ANKRD11: variants seen among roughly 807,000 people sequenced by gnomAD.
ANKRD11 encodes the protein ankyrin repeat domain 11, also known as ankyrin repeat domain-containing protein 11.
In ANKRD11, 17 loss-of-function variants were observed where a neutral mutation model predicts 195.7. The ratio of observed to expected loss-of-function variants is 0.09; its 90% confidence interval spans 0.06 to 0.13. The LOEUF (loss-of-function observed/expected upper bound fraction) is 0.13. ANKRD11 is among the 10% of genes least tolerant of loss of function. The pLI, the probability that ANKRD11 is intolerant of heterozygous loss-of-function variation, is 1.00. For missense variants in ANKRD11, 3,735 were observed against 3,566.1 expected, an observed-to-expected ratio of 1.05 and a Z score of -1.21; for synonymous variants, 1,953 against 1,528.1, an observed-to-expected ratio of 1.28 and a Z score of -6.49.
Position 89,441,442 on chromosome 16 carries a change from GA to G in ANKRD11, c.-144-23075del, listed in dbSNP as rs781393727. ...ATCACCCAGCAACAAAAGCAGTCAG[GA>G]AAAAAACTTCAGAAAAAGAATTATT... On this transcript the variant is annotated intron_variant, in intron 1 of 12. Transcript: ENST00000301030. 2.0e-5 allele frequency among the ~76,000 whole-genome samples: 3 copies of G among 151,800 alleles called. No homozygotes were observed. The South Asian group carries it at 6.2e-4, about 32-fold the overall frequency.
At chr16:89,408,131 C>T (rs751230270) in intron 2 of ANKRD11, among the ~76,000 whole-genome samples, 4 of 152,136 alleles carry the variant, frequency 2.6e-5, no homozygotes, top group Non-Finnish European at 5.9e-5. Flanking sequence ...CAAGACAGCT[C>T]GAAGGACTTG....
chr16:89,345,594 G>C (rs993098231), intron 2 of ANKRD11, among the ~76,000 whole-genome samples: 2 of 152,212 alleles, frequency 1.3e-5, no homozygotes, highest in South Asian at 2.1e-4. Flanking sequence ...CAGGCATTTT[G>C]TTACAGCGGC....
Position 89,484,835 on chromosome 16 carries a change from G to A in ANKRD11, c.-145+5410C>T, listed in dbSNP as rs570326867. Among the ~76,000 whole-genome samples, 8 of 152,244 alleles carry A rather than the reference G, an allele frequency of 5.3e-5. No homozygotes were observed. In the South Asian group the frequency reaches 1.7e-3, roughly 32 times the overall value. On this transcript the variant is annotated intron_variant, in intron 1 of 12. Transcript: ENST00000301030. The stretch of plus-strand genomic sequence containing the variant: ...GAAAAAGCCAACATTTTCAAATAAT[G>A]AACAGGTACACATTGGTTGCTTTAC...
At chr16:89,358,767 C>A (rs2039600250) in intron 2 of ANKRD11, among the ~76,000 whole-genome samples, 1 of 152,088 alleles carries the variant, frequency 6.6e-6, no homozygotes, top group African/African-American at 2.4e-5. Context: ...ACGTGCAAAC[C>A]ACTTCCCCTG....
chr16:89,475,569 C>A (rs147393739), intron 1 of ANKRD11, among the ~76,000 whole-genome samples: 2 of 152,124 alleles, frequency 1.3e-5, no homozygotes, highest in Non-Finnish European at 2.9e-5. Flanking sequence ...TTATTCACTA[C>A]CCACACAAAA....
chr16:89,274,709 C>T (rs2033489242), intron 11 of ANKRD11, 105 bp downstream of exon 11: 1 of 1,533,468 alleles, frequency 6.5e-7, no homozygotes, highest in South Asian at 1.1e-5. Flanking sequence ...AGGTGCTGAG[C>T]ACCCGGGAAG....
At chr16:89,318,001 G>C (rs1019962977) in intron 2 of ANKRD11, among the ~76,000 whole-genome samples, 2 of 152,136 alleles carry the variant, frequency 1.3e-5, no homozygotes, top group African/African-American at 2.4e-5. Context: ...AGAACTTTCC[G>C]AAGCAGCCAC....
intron 1 of ANKRD11, among the ~76,000 whole-genome samples, chr16:89,464,936 G>C (rs1188318611): frequency 6.6e-6 from 1 of 152,194 alleles, no homozygotes. Flanking sequence ...ACCACCTGGG[G>C]GTCAGGGGCC....
intron 2 of ANKRD11, among the ~76,000 whole-genome samples, chr16:89,370,299 G>A (rs1168109151): frequency 6.6e-6 from 1 of 152,206 alleles, no homozygotes; most frequent in Non-Finnish European, 1.5e-5. Context: ...CAGCTCTGAG[G>A]ATGAGAAGAT....
At chr16:89,337,676 G>A (rs1436737241) in intron 2 of ANKRD11, among the ~76,000 whole-genome samples, 1 of 151,918 alleles carries the variant, frequency 6.6e-6, no homozygotes, top group African/African-American at 2.4e-5. Context: ...TCCTGACCTC[G>A]GGATCCACCC....
chr16:89,402,400 T>G (rs2041731728), intron 2 of ANKRD11, among the ~76,000 whole-genome samples: 1 of 152,116 alleles, frequency 6.6e-6, no homozygotes, highest in South Asian at 2.1e-4. Context: ...CACATCAATT[T>G]AAATTTAGGT....
At chr16:89,475,005 C>G (rs1405942894) in intron 1 of ANKRD11, among the ~76,000 whole-genome samples, 1 of 152,246 alleles carries the variant, frequency 6.6e-6, no homozygotes, top group African/African-American at 2.4e-5. Flanking sequence ...CTCCTCACCC[C>G]TGCTGGTGCA....
chr16:89,355,318 G>T (rs1467289994), intron 2 of ANKRD11, among the ~76,000 whole-genome samples: 4 of 152,122 alleles, frequency 2.6e-5, no homozygotes, highest in Admixed American at 2.6e-4. Context: ...GGCTCACACA[G>T]ACCCACAAGG....
At chr16:89,386,300 T>C (rs1393167432) in intron 2 of ANKRD11, among the ~76,000 whole-genome samples, 1 of 152,144 alleles carries the variant, frequency 6.6e-6, no homozygotes, top group Non-Finnish European at 1.5e-5. Flanking sequence ...GCTTGATTAT[T>C]AAGACAGACA....
chr16:89,357,794 C>T (rs1351903541), intron 2 of ANKRD11, among the ~76,000 whole-genome samples: 4 of 152,206 alleles, frequency 2.6e-5, no homozygotes, highest in Non-Finnish European at 5.9e-5. Context: ...GGAACCACTG[C>T]TCATCGGCAA....
At chr16:89,292,659 A>G (rs2035139941) in intron 4 of ANKRD11, among the ~76,000 whole-genome samples, 1 of 152,230 alleles carries the variant, frequency 6.6e-6, no homozygotes, top group African/African-American at 2.4e-5. Context: ...ACCACCAGCT[A>G]GTCTGTAAAC....
chr16:89,315,561 G>A (rs1005102714), intron 3 of ANKRD11, among the ~76,000 whole-genome samples: 7 of 152,222 alleles, frequency 4.6e-5, no homozygotes, highest in South Asian at 4.1e-4. Context: ...TGAGCTCGGC[G>A]GTGTGGTGCT....
At chr16:89,424,007 G>A (rs1175038059) in intron 1 of ANKRD11, among the ~76,000 whole-genome samples, 2 of 152,060 alleles carry the variant, frequency 1.3e-5, no homozygotes, top group African/African-American at 4.8e-5. Context: ...TGAAACTCAG[G>A]CGACCTCCGG....
intron 1 of ANKRD11, among the ~76,000 whole-genome samples, chr16:89,475,222 T>A (rs2057216929): frequency 6.6e-6 from 1 of 152,180 alleles, no homozygotes; most frequent in African/African-American, 2.4e-5. Flanking sequence ...ACCACTCCAC[T>A]GGAGAACAAA....
Sources: gnomAD v4.1 joint callset for allele counts (sites outside exome capture counted in the v4.1 genomes callset) on GRCh38, gnomAD v4.1.1 for gene constraint, MANE v1.5 for transcripts, NCBI Gene and HGNC (gene_info 2026-07-23, HGNC 2026-07-21) for gene names.